DNAH11: variants seen among roughly 807,000 people sequenced by gnomAD.
DNAH11 encodes the protein axonemal beta dynein heavy chain 11.
Under a neutral mutation model 526.0 loss-of-function variants are expected in DNAH11, and 442 were observed. The observed-to-expected ratio is 0.84, with a 90% CI of 0.78 to 0.91. The LOEUF (loss-of-function observed/expected upper bound fraction) is 0.91. DNAH11 is among the 40% of genes least tolerant of loss of function. The pLI, the probability that DNAH11 is intolerant of heterozygous loss-of-function variation, is 0.00. For missense variants in DNAH11, 6,989 were observed against 5,448.7 expected (o/e 1.28, Z -8.90); for synonymous variants, 2,461 against 1,935.9 (o/e 1.27, Z -7.12).
At chr7:21,567,703 T>A (rs1457094068) in intron 6 of DNAH11, among the ~76,000 whole-genome samples, 1 of 152,250 alleles carries the variant, frequency 6.6e-6, no homozygotes, top group East Asian at 1.9e-4. Flanking sequence ...TGCTTGACCC[T>A]ATGACGGGAA....
chr7:21,899,320 C>G lies in DNAH11; in HGVS notation c.13050-16C>G. 1 of 1,606,370 alleles carries G rather than the reference C, an allele frequency of 6.2e-7. No individual in the cohort carries two copies. Among genetic ancestry groups the G allele is most frequent in the Non-Finnish European group, 8.5e-7 (1 of 1,172,916 alleles). On this transcript the variant is annotated splice_polypyrimidine_tract_variant and intron_variant, in intron 79 of 81. Coordinates refer to ENST00000409508, the MANE Select transcript of DNAH11 (RefSeq NM_001277115.2). ...TACTGAACAGCAAGTTTTTCTTCCTCCCTCCCATAAACCAGGTTCAATGAC... is the reference window on the plus strand; with the variant it reads ...TACTGAACAGCAAGTTTTTCTTCCTGCCTCCCATAAACCAGGTTCAATGAC...
intron 63 of DNAH11, among the ~76,000 whole-genome samples, chr7:21,810,023 A>T (rs1789442738): frequency 6.6e-6 from 1 of 152,342 alleles, no homozygotes; most frequent in African/African-American, 2.4e-5. Context: ...TCAGATCATC[A>T]TGTTATTGAA....
intron 40 of DNAH11, among the ~76,000 whole-genome samples, chr7:21,709,814 G>T (rs1784394760): frequency 6.6e-6 from 1 of 152,092 alleles, no homozygotes; most frequent in African/African-American, 2.4e-5. Flanking sequence ...TATATGAATT[G>T]TGGTGGCAAG....
At chr7:21,545,653 C>G (rs908743020) in intron 2 of DNAH11, among the ~76,000 whole-genome samples, 3 of 152,198 alleles carry the variant, frequency 2.0e-5, no homozygotes, top group African/African-American at 4.8e-5. Flanking sequence ...GGTTCTTAAA[C>G]TTTCTTTTTC....
intron 66 of DNAH11, among the ~76,000 whole-genome samples, chr7:21,845,560 G>A (rs976017907): frequency 1.6e-4 from 24 of 151,896 alleles, no homozygotes; most frequent in Non-Finnish European, 2.8e-4. Flanking sequence ...ATATTTCTGC[G>A]TTCTCTGTTT....
chr7:21,722,644 T>C (rs571651533), intron 44 of DNAH11, among the ~76,000 whole-genome samples: 1 of 152,286 alleles, frequency 6.6e-6, no homozygotes, highest in East Asian at 1.9e-4. Context: ...GCCAGATTCC[T>C]TCTGTAATTT....
chr7:21,871,586 T>G (rs1418783935), intron 73 of DNAH11, among the ~76,000 whole-genome samples: 2 of 152,260 alleles, frequency 1.3e-5, no homozygotes. Flanking sequence ...TAATTGAGTT[T>G]ACAAAGCAGG....
chr7:21,774,280 C>G (rs2127979530), intron 56 of DNAH11, among the ~76,000 whole-genome samples: 1 of 152,252 alleles, frequency 6.6e-6, no homozygotes, highest in South Asian at 2.1e-4. Context: ...CCTCTCTTGT[C>G]TCTGACTTCT....
intron 76 of DNAH11, among the ~76,000 whole-genome samples, chr7:21,885,879 C>T (rs1243637514): frequency 2.0e-5 from 3 of 152,092 alleles, no homozygotes; most frequent in Non-Finnish European, 2.9e-5. Context: ...CTTAGTAACC[C>T]TGTGTCTGTG....
chr7:21,708,224 G>A (rs1272363342), intron 40 of DNAH11, among the ~76,000 whole-genome samples: 1 of 152,166 alleles, frequency 6.6e-6, no homozygotes, highest in Non-Finnish European at 1.5e-5. Context: ...CCTGCCCTGA[G>A]AGTATTTGTA....
chr7:21,865,282 A>G (rs897345145), intron 70 of DNAH11, among the ~76,000 whole-genome samples: 1 of 152,156 alleles, frequency 6.6e-6, no homozygotes, highest in African/African-American at 2.4e-5. Flanking sequence ...ATTTCTGTGC[A>G]TTGGAAATAA....
intron 42 of DNAH11, among the ~76,000 whole-genome samples, chr7:21,714,064 A>G (rs1784558796): frequency 6.6e-6 from 1 of 152,170 alleles, no homozygotes; most frequent in South Asian, 2.1e-4. Context: ...TGATTTCAGC[A>G]GTGAATCTCA....
intron 36 of DNAH11, among the ~76,000 whole-genome samples, chr7:21,699,098 T>C (rs1272626259): frequency 6.6e-6 from 1 of 152,174 alleles, no homozygotes; most frequent in Non-Finnish European, 1.5e-5. Context: ...CGTGAAAATA[T>C]TATTTTCTAA....
chr7:21,563,787 G>C (rs1366508959), intron 5 of DNAH11, among the ~76,000 whole-genome samples: 1 of 152,152 alleles, frequency 6.6e-6, no homozygotes, highest in African/African-American at 2.4e-5. Context: ...CTCATACCAA[G>C]TTCCTAGAAG....
chr7:21,593,902 C>A (rs1784777194), intron 14 of DNAH11, among the ~76,000 whole-genome samples: 1 of 151,690 alleles, frequency 6.6e-6, no homozygotes, highest in African/African-American at 2.4e-5. Flanking sequence ...CCCCCAGACA[C>A]AAAATCTCTC....
chr7:21,806,334 C>T (rs922733422), intron 62 of DNAH11, among the ~76,000 whole-genome samples: 2 of 152,110 alleles, frequency 1.3e-5, no homozygotes, highest in Non-Finnish European at 2.9e-5. Flanking sequence ...TGAGAGATTC[C>T]TCCTGAAAAT....
chr7:21,634,634 G>C (rs549347866), intron 25 of DNAH11, among the ~76,000 whole-genome samples: 32 of 152,288 alleles, frequency 2.1e-4, no homozygotes, highest in African/African-American at 7.2e-4. Context: ...ACACAAAGAA[G>C]GGAATGATAC....
rs139971040 is a variant in DNAH11 at position 21,684,595 on chromosome 7, C to T, written c.5621+651C>T. On this transcript the variant is annotated intron_variant, in intron 32 of 81. Coordinates refer to ENST00000409508, the MANE Select transcript of DNAH11 (RefSeq NM_001277115.2). ...AGCTGGGACCTAAATGATGAGGAATCAGTTATGCAGAGATCCTGGGGCAGA... is the reference window on the plus strand; with the variant it reads ...AGCTGGGACCTAAATGATGAGGAATTAGTTATGCAGAGATCCTGGGGCAGA... Among the ~76,000 whole-genome samples, 1,138 of 152,282 alleles carry T rather than the reference C, an allele frequency of 7.5e-3. 7 individuals carry two copies. Among genetic ancestry groups the T allele is most frequent in the Non-Finnish European group, 0.012 (824 of 68,028 alleles).
At position 21,894,700 on chromosome 7, in the gene DNAH11, A is replaced by T; in HGVS notation, c.12828A>T (p.Ser4276=). ...TGGCAGAGATAATGCAAAAAAATTCAAATAGAAGCCCATATGTTCTTGTTT... is the reference window on the plus strand; with the variant it reads ...TGGCAGAGATAATGCAAAAAAATTCTAATAGAAGCCCATATGTTCTTGTTT... ...FNMAEIMQKN[S]NRSPYVLVCF... Residue 4276 remains serine (S), a synonymous_variant, in exon 78 of 82, where the codon TCA becomes TCT. Transcript: ENST00000409508. The T allele has an allele frequency of 6.2e-6, 10 of 1,613,972 alleles. No individual in the cohort carries two copies. Among genetic ancestry groups the T allele is most frequent in the Non-Finnish European group, 8.5e-6 (10 of 1,179,890 alleles).
Sources: allele counts gnomAD v4.1 joint callset (sites outside exome capture counted in the v4.1 genomes callset), GRCh38; gene constraint gnomAD v4.1.1; transcripts MANE v1.5; gene names NCBI Gene and HGNC (gene_info 2026-07-23, HGNC 2026-07-21).